The following SUPT7L variants were observed in gnomAD, a reference collection of about 807,000 sequenced individuals.
The protein encoded by SUPT7L is SPT7 like, STAGA complex subunit gamma.
A neutral mutation model predicts 35.7 loss-of-function variants in SUPT7L; 15 were observed. The ratio of observed to expected loss-of-function variants is 0.42; its 90% confidence interval spans 0.28 to 0.65. The LOEUF (loss-of-function observed/expected upper bound fraction) is 0.65, where lower values mean the gene tolerates loss of function less well. SUPT7L is among the 30% of genes least tolerant of loss of function. The pLI is 0.23. For missense variants in SUPT7L, 434 were observed against 522.2 expected (o/e 0.83, Z 1.65); for synonymous variants, 168 against 186.2 (o/e 0.90, Z 0.79).
At chr2:27,642,807 C>T in the SUPT7L span, among the ~76,000 whole-genome samples, 24 of 152,044 alleles carry the variant, frequency 1.6e-4, no homozygotes, top group Admixed American at 1.4e-3. Context: ...TCAGATGATC[C>T]ACCCACCTGG....
downstream of SUPT7L, among the ~76,000 whole-genome samples, chr2:27,649,135 C>T (rs951048802): frequency 2.6e-5 from 4 of 151,760 alleles, no homozygotes; most frequent in Non-Finnish European, 4.4e-5. Context: ...ATCCCAGCTA[C>T]TTGGGAGGCT....
chr2:27,648,087 G>A (rs1204313039), downstream of SUPT7L: 3 of 621,354 alleles, frequency 4.8e-6, no homozygotes, highest in East Asian at 5.6e-5. Context: ...TATATTGAGA[G>A]TTCCTGTCCT....
At chr2:27,653,807 A>G in intron 5 of SUPT7L, 60 bp from the exon 6 acceptor site, 1 of 1,599,750 alleles carries the variant, frequency 6.3e-7, no homozygotes, top group Non-Finnish European at 8.5e-7. Context: ...AGTGTAGAAC[A>G]AAGAGTAAAT....
At chr2:27,658,059 TG>T (rs1231120964) in intron 3 of SUPT7L, among the ~76,000 whole-genome samples, 2 of 152,226 alleles carry the variant, frequency 1.3e-5, no homozygotes, top group Admixed American at 1.3e-4. Flanking sequence ...TCATACATGC[TG>T]GGCAATATAT....
downstream of SUPT7L, among the ~76,000 whole-genome samples, chr2:27,647,463 C>CT (rs551658000): frequency 5.3e-5 from 8 of 152,322 alleles, no homozygotes; most frequent in African/African-American, 1.9e-4. Context: ...GCACTCCACA[C>CT]TTTCACTGTG....
chr2:27,646,055 T>C (rs1198185440), downstream of SUPT7L, among the ~76,000 whole-genome samples: 5 of 147,286 alleles, frequency 3.4e-5, no homozygotes, highest in Non-Finnish European at 7.5e-5. Flanking sequence ...TATGTATTTA[T>C]TTTTGAGGCA....
chr2:27,651,526 C>T lies in SUPT7L; in HGVS notation c.*1959G>A, dbSNP rs1404403018. ...ATTATAAAGTATTAATTTTAATGTT[C>T]TATACTTAGTGGGAACCACTGGTCT... On this transcript the variant is annotated 3_prime_UTR_variant, in exon 6 of 6. Transcript: ENST00000337768. 2 of 152,252 alleles carry T rather than the reference C, an allele frequency of 1.3e-5. No homozygotes were observed. The highest frequency in any genetic ancestry group is 6.5e-5 in the Admixed American group (1 of 15,284). 9.4% of individuals were successfully genotyped at this position (152,252 alleles called of 1,614,324 possible). A position where few individuals can be genotyped will look rare whatever the true frequency, so the allele number is the denominator to read the frequency against.
At chr2:27,662,053 C>G (rs1400478057) in intron 2 of SUPT7L, 126 bp downstream of exon 2, 2 of 1,314,728 alleles carry the variant, frequency 1.5e-6, no homozygotes, top group South Asian at 1.3e-5. Flanking sequence ...GTCATCTATT[C>G]TCTACACTGC....
the SUPT7L span, among the ~76,000 whole-genome samples, chr2:27,645,607 T>C: frequency 1.3e-5 from 2 of 152,168 alleles, no homozygotes. Flanking sequence ...CAGGAGTGTT[T>C]CCAGTTTTCC....
downstream of SUPT7L, chr2:27,647,889 T>C: frequency 6.2e-7 from 1 of 1,613,868 alleles, no homozygotes; most frequent in East Asian, 2.2e-5. Context: ...TCGAGGAACC[T>C]TGGATGAAGA....
rs374434548 is a variant in SUPT7L, at chr2:27,657,377, G to A, written c.712C>T (p.Arg238Cys). ...ATGTAACTGTGATAGTCCTTGATGC[G>A]GTGCTGCCAGAACTTCTGGAGGGAG... ...VLSLQKFWQHRIKDYHSYMLQ... is the reference protein window; with the variant it reads ...VLSLQKFWQHCIKDYHSYMLQ... Residue 238 changes from arginine to cysteine, a missense_variant, in exon 4 of 6, where the codon CGC becomes TGC. By Grantham distance (180) the Arg-to-Cys change is radical. Transcript: ENST00000337768. This position sits in a 1 kb window ranked among gnomAD's most constrained non-coding sequence, Gnocchi z 5.2. 1.2e-5 allele frequency: 20 copies of A among 1,614,230 alleles called. No individual in the cohort carries two copies. The highest frequency in any genetic ancestry group is 6.7e-5 in the East Asian group (3 of 44,884).
At chr2:27,660,059 T>C (rs576318373) in intron 3 of SUPT7L, among the ~76,000 whole-genome samples, 1 of 152,166 alleles carries the variant, frequency 6.6e-6, no homozygotes, top group Admixed American at 6.5e-5. Context: ...TTCTCAAACT[T>C]AAATGCACAT....
the SUPT7L span, among the ~76,000 whole-genome samples, chr2:27,644,486 T>G: frequency 6.6e-6 from 1 of 152,298 alleles, no homozygotes; most frequent in African/African-American, 2.4e-5. Context: ...CATCTGGGAT[T>G]TTAAGTCACA....
chr2:27,646,286 C>T (rs866266136), downstream of SUPT7L, among the ~76,000 whole-genome samples: 3 of 152,162 alleles, frequency 2.0e-5, no homozygotes, highest in African/African-American at 4.8e-5. Flanking sequence ...AGGTGATCTG[C>T]CCATTTCAGC....
chr2:27,642,958 T>TATACACACACACACACAC, the SUPT7L span, among the ~76,000 whole-genome samples: 26 of 122,656 alleles, frequency 2.1e-4, no homozygotes, highest in South Asian at 5.6e-4. Context: ...TATATATATA[T>TATACACACACACACACAC]ACACACACAC....
intron 5 of SUPT7L, among the ~76,000 whole-genome samples, chr2:27,654,866 G>T (rs1026842162): frequency 1.3e-5 from 2 of 152,004 alleles, no homozygotes; most frequent in African/African-American, 4.8e-5. Context: ...GCGCCCAGCC[G>T]GAAGCCCTAT....
rs1303088219 is a variant in SUPT7L at position 27,655,245 on chromosome 2, T to G, written c.982+120A>C. On this transcript the variant is annotated intron_variant, in intron 5 of 5. Coordinates refer to ENST00000337768, the MANE Select transcript of SUPT7L (RefSeq NM_014860.3). ...GGTGAAACTGTATTCGTTTTAGGACTTTCCATTCTGCCCACTGCTGCTTTT... is the reference window on the plus strand; with the variant it reads ...GGTGAAACTGTATTCGTTTTAGGACGTTCCATTCTGCCCACTGCTGCTTTT... The G allele has an allele frequency of 3.6e-6, 3 of 831,094 alleles. No homozygotes were observed. In the East Asian group the frequency reaches 7.6e-5, roughly 21 times the overall value. 51.5% of individuals were successfully genotyped at this position (831,094 alleles called of 1,614,324 possible).
downstream of SUPT7L, among the ~76,000 whole-genome samples, chr2:27,648,902 G>C (rs1674372299): frequency 6.6e-6 from 1 of 151,768 alleles, no homozygotes; most frequent in Non-Finnish European, 1.5e-5. Context: ...CTCCCAAAGT[G>C]CTGGGATTAC....
At chr2:27,660,232 TTC>T (rs1430974083) in intron 3 of SUPT7L, among the ~76,000 whole-genome samples, 1 of 151,972 alleles carries the variant, frequency 6.6e-6, no homozygotes, top group Non-Finnish European at 1.5e-5. Flanking sequence ...ATATTATTAT[TTC>T]TTTTTTTTTT....
Sources: allele counts gnomAD v4.1 joint callset (sites outside exome capture counted in the v4.1 genomes callset), GRCh38; gene constraint gnomAD v4.1.1; non-coding constraint Gnocchi (gnomAD v3.1); transcripts MANE v1.5; gene names NCBI Gene and HGNC (gene_info 2026-07-23, HGNC 2026-07-21).